Variants in CPM observed in about 807,000 individuals in gnomAD.
The protein encoded by CPM is renal carboxypeptidase.
A neutral mutation model predicts 46.4 loss-of-function variants in CPM; 35 were observed. The ratio of observed to expected loss-of-function variants is 0.75; its 90% CI spans 0.58 to 1.00. The LOEUF is 1.00. Among genes scored for constraint, CPM ranks in the 50% least tolerant of loss-of-function variants. The probability of loss-of-function intolerance (pLI) is 0.00; values close to 1 mark genes in which losing one functional copy is unlikely to be tolerated. For synonymous variants in CPM, 195 were observed against 195.3 expected, an observed-to-expected ratio of 1.00 and a Z score of 0.01; for missense variants, 422 against 530.4, an observed-to-expected ratio of 0.80 and a Z score of 2.01.
downstream of CPM, among the ~76,000 whole-genome samples, chr12:68,850,912 C>G (rs1329111439): frequency 6.6e-6 from 1 of 152,062 alleles, no homozygotes; most frequent in Non-Finnish European, 1.5e-5. Context: ...CATCCATCAT[C>G]TTGTCCATGG....
intron 2 of CPM, among the ~76,000 whole-genome samples, chr12:68,920,643 A>G (rs1887994316): frequency 1.3e-5 from 2 of 151,480 alleles, no homozygotes; most frequent in African/African-American, 4.8e-5. Flanking sequence ...GACACTTAAA[A>G]TGGAAGGGTT....
chr12:68,961,827 A>C (rs1889118918), intron 1 of CPM, among the ~76,000 whole-genome samples: 1 of 151,626 alleles, frequency 6.6e-6, no homozygotes. Context: ...AGTCTATTTA[A>C]ATAAGCAATT....
At chr12:68,956,542 T>G (rs1274573870) in intron 1 of CPM, among the ~76,000 whole-genome samples, 1 of 152,236 alleles carries the variant, frequency 6.6e-6, no homozygotes, top group Non-Finnish European at 1.5e-5. Flanking sequence ...AACCTAGGTC[T>G]GTCTGACTCC....
At chr12:68,897,583 A>G (rs1244163384) in intron 2 of CPM, among the ~76,000 whole-genome samples, 1 of 152,060 alleles carries the variant, frequency 6.6e-6, no homozygotes, top group East Asian at 1.9e-4. Flanking sequence ...TAAAGTTACA[A>G]AAAATTAGCC....
chr12:68,856,067 A>G lies in CPM; in HGVS notation c.*370T>C. On this transcript the variant is annotated 3_prime_UTR_variant, in exon 9 of 9. Transcript: ENST00000551568. The stretch of plus-strand genomic sequence containing the variant: ...AGTCTTGTATGTAGAAGATCAATAA[A>G]TGTTCATCTTCATTGCTTATATTCA... The G allele has an allele frequency of 4.7e-6, 1 of 213,998 alleles. No individual in the cohort carries two copies. The allele number at this position is 213,998 out of a possible 1,614,324, so 13.3% of individuals were successfully genotyped here.
At chr12:68,897,032 C>A (rs913854184) in intron 2 of CPM, among the ~76,000 whole-genome samples, 1 of 152,054 alleles carries the variant, frequency 6.6e-6, no homozygotes, top group Non-Finnish European at 1.5e-5. Context: ...TAATCACTAA[C>A]CATCAACAAA....
intron 2 of CPM, among the ~76,000 whole-genome samples, chr12:68,925,315 T>C: frequency 6.6e-6 from 1 of 152,192 alleles, no homozygotes; most frequent in East Asian, 1.9e-4. Context: ...ATAGCAGCTT[T>C]TACATAGCAC....
In CPM at chr12:68,867,934, G is replaced by A. The variant is rs527752841; in HGVS notation, c.788-886C>T. Among the ~76,000 whole-genome samples the A allele has an allele frequency of 1.1e-4, 17 of 152,290 alleles. No homozygotes were observed. In the South Asian group the frequency reaches 2.1e-3, roughly 19 times the overall value. ...TGGAGGGGGCAGTTCTGGATAAGGC[G>A]GGTCAGGCCTGGCCAACAAAACATC... On this transcript the variant is annotated intron_variant, in intron 6 of 8. Transcript: ENST00000551568.
In CPM at chr12:68,918,713, A is replaced by T. The variant is rs149936369; in HGVS notation, c.160+13965T>A. On this transcript the variant is annotated intron_variant, in intron 2 of 8. Transcript: ENST00000551568. Reference sequence around the variant, plus strand: ...TCCAAAACAGATTTCCAATCCTTTCACTTGCCTCCATTCCTAACAGAGCAT... The same window carrying T: ...TCCAAAACAGATTTCCAATCCTTTCTCTTGCCTCCATTCCTAACAGAGCAT... Among the ~76,000 whole-genome samples the T allele has an allele frequency of 2.6e-3, 403 of 152,206 alleles. 1 individual carries two copies. Among genetic ancestry groups the T allele is most frequent in the African/African-American group, 9.2e-3 (380 of 41,530 alleles).
chr12:68,949,430 A>T (rs1468584325), intron 1 of CPM, among the ~76,000 whole-genome samples: 1 of 152,194 alleles, frequency 6.6e-6, no homozygotes, highest in Non-Finnish European at 1.5e-5. Flanking sequence ...AAGGATTCAA[A>T]TTCTGAGTGC....
chr12:68,871,641 T>G, intron 4 of CPM, 143 bp downstream of exon 4: 1 of 900,298 alleles, frequency 1.1e-6, no homozygotes, highest in East Asian at 2.4e-5. Flanking sequence ...TGATGTGCCT[T>G]GAGCTTTGGC....
chr12:68,955,257 C>T (rs1888995389), intron 1 of CPM, among the ~76,000 whole-genome samples: 2 of 152,170 alleles, frequency 1.3e-5, no homozygotes, highest in South Asian at 4.1e-4. Context: ...CACCTACTCG[C>T]TTAGTGATTG....
Position 68,954,744 on chromosome 12 carries a change from T to A in CPM, c.-4+8425A>T, listed in dbSNP as rs546708106. Among the ~76,000 whole-genome samples, 7 of 150,926 alleles carry A rather than the reference T, an allele frequency of 4.6e-5. No individual in the cohort carries two copies. The South Asian group carries it at 1.5e-3, about 31-fold the overall frequency. Reference sequence around the variant, plus strand: ...AAACTCAACATTTTAAAAAAGCAATTTTTTTTTAGCTTTCTTAGGTAGTGT... The same window carrying A: ...AAACTCAACATTTTAAAAAAGCAATATTTTTTTAGCTTTCTTAGGTAGTGT... On this transcript the variant is annotated intron_variant, in intron 1 of 8. Transcript: ENST00000546373.
intron 2 of CPM, among the ~76,000 whole-genome samples, chr12:68,909,999 A>AATG (rs1366379519): frequency 6.6e-6 from 1 of 151,988 alleles, no homozygotes; most frequent in African/African-American, 2.4e-5. Context: ...TAATAATAAT[A>AATG]ATGAAGAAGA....
chr12:68,924,059 T>C (rs1301928666), intron 2 of CPM, among the ~76,000 whole-genome samples: 1 of 149,546 alleles, frequency 6.7e-6, no homozygotes, highest in Non-Finnish European at 1.5e-5. Flanking sequence ...CCTTTAATCC[T>C]AGAGCTACGG....
downstream of CPM, chr12:68,847,452 CTTTTTTTT>C (rs772905678): frequency 1.1e-5 from 1 of 88,722 alleles, no homozygotes; most frequent in Admixed American, 1.4e-4. Context: ...TATCTCCTTT[CTTTTTTTT>C]TTTTTTTTTT....
chr12:68,910,956 C>A (rs1298378859), intron 2 of CPM, among the ~76,000 whole-genome samples: 4 of 151,750 alleles, frequency 2.6e-5, no homozygotes, highest in African/African-American at 7.3e-5. Context: ...ATTTCCCAAG[C>A]AAATTTAGAA....
At chr12:68,884,129 AAAAG>A (rs1394536128) in intron 3 of CPM, among the ~76,000 whole-genome samples, 1 of 151,150 alleles carries the variant, frequency 6.6e-6, no homozygotes, top group Admixed American at 6.6e-5. Flanking sequence ...AAAAAAAAAA[AAAAG>A]CATTCTGAGG....
At chr12:68,923,891 C>T (rs1339341217) in intron 2 of CPM, among the ~76,000 whole-genome samples, 2 of 151,832 alleles carry the variant, frequency 1.3e-5, no homozygotes, top group Non-Finnish European at 2.9e-5. Context: ...CATATAGTGG[C>T]ATCCCTGAAA....
Sources: allele counts gnomAD v4.1 joint callset (sites outside exome capture counted in the v4.1 genomes callset), GRCh38; gene constraint gnomAD v4.1.1; transcripts MANE v1.5; gene names NCBI Gene and HGNC (gene_info 2026-07-23, HGNC 2026-07-21).